The following CHST9 variants were observed in gnomAD, a reference collection of about 807,000 sequenced individuals.
CHST9 encodes carbohydrate sulfotransferase 9.
Under a neutral mutation model 44.4 loss-of-function variants are expected in CHST9, and 41 were observed. That is an observed-to-expected ratio of 0.92 (90% confidence interval 0.72 to 1.20). CHST9 has a LOEUF of 1.20. CHST9 is among the 50% of genes most tolerant of loss of function. CHST9 has a pLI of 0.00. For missense variants in CHST9, 504 were observed against 516.5 expected (o/e 0.98, Z 0.23); for synonymous variants, 171 against 178.4 (o/e 0.96, Z 0.33).
intron 2 of CHST9, among the ~76,000 whole-genome samples, chr18:27,076,520 G>A (rs1459575271): frequency 1.3e-5 from 2 of 152,148 alleles, no homozygotes; most frequent in African/African-American, 4.8e-5. Flanking sequence ...TGGCAAGTGA[G>A]AGCCAAAGGA....
intron 3 of CHST9, among the ~76,000 whole-genome samples, chr18:27,028,873 T>C (rs972015764): frequency 5.3e-5 from 8 of 152,246 alleles, no homozygotes; most frequent in African/African-American, 1.9e-4. Context: ...TATTGTATTT[T>C]ATACTTTAAC....
At chr18:27,066,847 A>T (rs1485376327) in intron 2 of CHST9, among the ~76,000 whole-genome samples, 1 of 152,224 alleles carries the variant, frequency 6.6e-6, no homozygotes, top group Non-Finnish European at 1.5e-5. Flanking sequence ...TTTACTAAAT[A>T]GGACTCATTA....
chr18:26,995,212 A>G (rs1170289597), intron 4 of CHST9, among the ~76,000 whole-genome samples: 2 of 150,358 alleles, frequency 1.3e-5, no homozygotes, highest in African/African-American at 4.9e-5. Context: ...TCACGAGGTC[A>G]GGAGATCAAG....
chr18:27,131,799 T>C (rs2058474081), intron 2 of CHST9, among the ~76,000 whole-genome samples: 2 of 152,330 alleles, frequency 1.3e-5, no homozygotes, highest in South Asian at 4.1e-4. Context: ...CCACTAATCT[T>C]GCTACACAGC....
chr18:27,174,417 C>T (rs1214301303), intron 1 of CHST9, among the ~76,000 whole-genome samples: 1 of 151,738 alleles, frequency 6.6e-6, no homozygotes, highest in Non-Finnish European at 1.5e-5. Context: ...TTGTGTCATT[C>T]TTCATGTATC....
Position 27,126,058 on chromosome 18 carries a change from G to A in CHST9, c.121+16631C>T, listed in dbSNP as rs150971681. ...TTAGCTACCTTTTCAGTAAAATACC[G>A]CATGATAAAGAAGTTTTGCAGAAGC... On this transcript the variant is annotated intron_variant, in intron 2 of 5. Transcript: ENST00000618847. 1.5e-4 allele frequency among the ~76,000 whole-genome samples: 23 copies of A among 152,252 alleles called. 1 individual carries two copies. The East Asian group carries it at 1.7e-3, about 11-fold the overall frequency.
At chr18:27,143,892 T>A (rs557977664) in intron 1 of CHST9, among the ~76,000 whole-genome samples, 6 of 152,156 alleles carry the variant, frequency 3.9e-5, no homozygotes, top group African/African-American at 1.4e-4. Flanking sequence ...CAAACCACCA[T>A]GGCACATGTA....
intron 1 of CHST9, among the ~76,000 whole-genome samples, chr18:27,164,120 G>A (rs969063747): frequency 1.1e-4 from 16 of 152,180 alleles, no homozygotes; most frequent in Non-Finnish European, 1.9e-4. Context: ...AGGTTGCCCC[G>A]AAGAGGGAAG....
At chr18:26,992,613 ATTCT>A (rs1333521256) in intron 4 of CHST9, among the ~76,000 whole-genome samples, 1 of 151,968 alleles carries the variant, frequency 6.6e-6, no homozygotes, top group Non-Finnish European at 1.5e-5. Flanking sequence ...TTGCTTTGAA[ATTCT>A]TTCTTTTTTT....
At chr18:26,931,669 G>C (rs1406938743) in intron 5 of CHST9, among the ~76,000 whole-genome samples, 3 of 152,142 alleles carry the variant, frequency 2.0e-5, no homozygotes, top group Admixed American at 1.3e-4. Flanking sequence ...TCCTGCCAGG[G>C]CTCCACTCTC....
At chr18:27,040,573 G>A (rs12606261) in intron 3 of CHST9, among the ~76,000 whole-genome samples, 37,514 of 151,984 alleles carry the variant, frequency 0.25, 5,710 homozygotes, top group Non-Finnish European at 0.35. Flanking sequence ...TCTGGGGTGA[G>A]TGGACTTGAG....
At chr18:27,126,140 G>A (rs999800158) in intron 2 of CHST9, among the ~76,000 whole-genome samples, 2 of 152,202 alleles carry the variant, frequency 1.3e-5, no homozygotes, top group African/African-American at 4.8e-5. Context: ...TCAGATGATG[G>A]ATTCTCACAG....
chr18:27,137,304 ATGTGTGTGTGTGTG>A (rs60705060), intron 2 of CHST9, among the ~76,000 whole-genome samples: 46,769 of 145,362 alleles, frequency 0.32, 8,008 homozygotes, highest in Non-Finnish European at 0.37. Flanking sequence ...TTATTTATAT[ATGTGTGTGTGTGTG>A]TGTGTGTGTG....
chr18:27,104,202 A>C (rs936310730), intron 2 of CHST9, among the ~76,000 whole-genome samples: 4 of 151,944 alleles, frequency 2.6e-5, no homozygotes, highest in African/African-American at 9.7e-5. Context: ...TAAATTCTAC[A>C]TCCTTCCAAG....
chr18:27,107,813 T>C (rs575351380), intron 2 of CHST9, among the ~76,000 whole-genome samples: 2 of 152,320 alleles, frequency 1.3e-5, no homozygotes, highest in South Asian at 4.1e-4. Flanking sequence ...ATGGAATGTG[T>C]TTCCTTCTAA....
At chr18:27,067,248 A>G (rs2143635370) in intron 2 of CHST9, among the ~76,000 whole-genome samples, 1 of 152,116 alleles carries the variant, frequency 6.6e-6, no homozygotes, top group South Asian at 2.1e-4. Context: ...TTTGAAAATC[A>G]TTCAGTTCAA....
At chr18:27,153,333 C>G (rs756468938) in intron 1 of CHST9, among the ~76,000 whole-genome samples, 2 of 152,060 alleles carry the variant, frequency 1.3e-5, no homozygotes, top group African/African-American at 4.8e-5. Flanking sequence ...GTTCTGGAGG[C>G]CAGATGTCTG....
At chr18:27,110,605 A>G (rs1224621765) in intron 2 of CHST9, among the ~76,000 whole-genome samples, 1 of 152,180 alleles carries the variant, frequency 6.6e-6, no homozygotes, top group Non-Finnish European at 1.5e-5. Context: ...GGTTGCACAT[A>G]TAGAAACACA....
chr18:26,921,671 C>CCATCAT lies in CHST9; in HGVS notation c.241-4327_241-4322dup, dbSNP rs141291241. ...ATTTAAAGCTCATACCAACAAAGTC[C>CCATCAT]CATCATCATCATCATCATCATCATC... On this transcript the variant is annotated intron_variant, in intron 5 of 5. Transcript: ENST00000618847. Among the ~76,000 whole-genome samples, 642 of 151,580 alleles carry CCATCAT rather than the reference C, an allele frequency of 4.2e-3. 1 individual carries two copies. The highest frequency in any genetic ancestry group is 0.01 in the Middle Eastern group (3 of 294).
Sources: allele counts gnomAD v4.1 joint callset (sites outside exome capture counted in the v4.1 genomes callset), GRCh38; gene constraint gnomAD v4.1.1; transcripts MANE v1.5; gene names NCBI Gene and HGNC (gene_info 2026-07-23, HGNC 2026-07-21).